SYT9: variants seen among roughly 807,000 people sequenced by gnomAD.
The protein encoded by SYT9 is synaptotagmin-9.
A neutral mutation model predicts 48.4 loss-of-function variants in SYT9; 22 were observed. The observed-to-expected ratio is 0.45, with a 90% CI of 0.32 to 0.65. The LOEUF (loss-of-function observed/expected upper bound fraction) is 0.65. Among genes scored for constraint, SYT9 ranks in the 30% least tolerant of loss-of-function variants. The pLI is 0.03. For missense variants in SYT9, 577 were observed against 622.0 expected, an observed-to-expected ratio of 0.93 and a Z score of 0.77; for synonymous variants, 265 against 245.0, an observed-to-expected ratio of 1.08 and a Z score of -0.76.
intron 3 of SYT9, among the ~76,000 whole-genome samples, chr11:7,380,533 T>C (rs952420144): frequency 6.6e-6 from 1 of 152,018 alleles, no homozygotes; most frequent in East Asian, 1.9e-4. Context: ...CATTCCTGTA[T>C]CAAAACCTCT....
intron 2 of SYT9, among the ~76,000 whole-genome samples, chr11:7,303,747 A>C (rs1236384454): frequency 1.3e-5 from 2 of 152,196 alleles, no homozygotes; most frequent in African/African-American, 4.8e-5. Context: ...CTGTATATGT[A>C]AATACCCAGG....
chr11:7,420,464 AC>A (rs746289209), intron 5 of SYT9, 41 bp from the exon 6 acceptor site: 22 of 1,609,640 alleles, frequency 1.4e-5, no homozygotes, highest in African/African-American at 1.1e-4. Context: ...GATCTTACAT[AC>A]CAAAATTTTA....
chr11:7,362,590 T>C (rs1850163451), intron 3 of SYT9, among the ~76,000 whole-genome samples: 1 of 152,198 alleles, frequency 6.6e-6, no homozygotes, highest in Non-Finnish European at 1.5e-5. Flanking sequence ...AATTGAAGAA[T>C]GTTAGGCTGA....
intron 6 of SYT9, among the ~76,000 whole-genome samples, chr11:7,454,464 C>A (rs1002468829): frequency 2.0e-5 from 3 of 152,164 alleles, no homozygotes; most frequent in Non-Finnish European, 4.4e-5. Flanking sequence ...TCCCCATTCC[C>A]CCAAAGCATG....
chr11:7,260,163 T>A (rs551932783), intron 1 of SYT9, among the ~76,000 whole-genome samples: 68 of 152,268 alleles, frequency 4.5e-4, no homozygotes, highest in Non-Finnish European at 8.2e-4. Flanking sequence ...CATTCAAAGA[T>A]ACATTAGACA....
At chr11:7,325,105 T>C (rs959531904) in intron 3 of SYT9, among the ~76,000 whole-genome samples, 2 of 152,202 alleles carry the variant, frequency 1.3e-5, no homozygotes, top group African/African-American at 4.8e-5. Flanking sequence ...AAGTGTTCTT[T>C]GGCATTTATA....
chr11:7,450,046 C>T (rs1848018878), intron 6 of SYT9, among the ~76,000 whole-genome samples: 1 of 152,152 alleles, frequency 6.6e-6, no homozygotes, highest in Non-Finnish European at 1.5e-5. Flanking sequence ...AATAATAATC[C>T]AATGTTACAT....
chr11:7,340,624 C>A (rs1849696355), intron 3 of SYT9, among the ~76,000 whole-genome samples: 1 of 152,178 alleles, frequency 6.6e-6, no homozygotes, highest in African/African-American at 2.4e-5. Context: ...GGAGAACAAT[C>A]CAGTCACTTT....
intron 2 of SYT9, among the ~76,000 whole-genome samples, chr11:7,305,908 G>A (rs555072473): frequency 9.8e-4 from 149 of 152,022 alleles, no homozygotes; most frequent in Non-Finnish European, 1.4e-3. Flanking sequence ...TGGCCTCTTC[G>A]GCTTGGATGT....
intron 6 of SYT9, among the ~76,000 whole-genome samples, chr11:7,460,487 A>C (rs1848217043): frequency 6.6e-6 from 1 of 152,122 alleles, no homozygotes; most frequent in African/African-American, 2.4e-5. Flanking sequence ...CAAACATCTA[A>C]TGCAGGTGTT....
chr11:7,438,801 C>T (rs1325002695), intron 6 of SYT9: 1 of 152,372 alleles, frequency 6.6e-6, no homozygotes, highest in African/African-American at 2.4e-5. Flanking sequence ...CAGAGCCCCG[C>T]CCCTGTCATC....
intron 3 of SYT9, among the ~76,000 whole-genome samples, chr11:7,384,791 C>T (rs1850627066): frequency 6.6e-6 from 1 of 152,190 alleles, no homozygotes; most frequent in Non-Finnish European, 1.5e-5. Flanking sequence ...TGATCCACCA[C>T]AGCCTCTCTG....
chr11:7,425,219 C>A (rs1847431421), intron 6 of SYT9, among the ~76,000 whole-genome samples: 1 of 152,172 alleles, frequency 6.6e-6, no homozygotes, highest in Admixed American at 6.5e-5. Context: ...GAAAATGTGA[C>A]CTGGACCTAC....
rs1341034008 is a variant in SYT9 at position 7,416,123 on chromosome 11, G to A, written c.1126G>A (p.Ala376Thr). 1 of 1,614,142 alleles carries A rather than the reference G, an allele frequency of 6.2e-7. No individual in the cohort carries two copies. The highest frequency in any genetic ancestry group is 2.2e-5 in the East Asian group (1 of 44,886). Residue 376 changes from alanine to threonine, a missense_variant, in exon 4 of 7, where the codon GCA becomes ACA. By Grantham distance (58) the Ala-to-Thr change is moderately conservative. Transcript: ENST00000318881. ...CAGGCTGACCATTACCATTATAAAA[G>A]CAAGGAATTTAAAGGCAATGGACAT... Reference protein sequence around the residue: ...AGRLTITIIKARNLKAMDITG... With the variant: ...AGRLTITIIKTRNLKAMDITG...
intron 3 of SYT9, among the ~76,000 whole-genome samples, chr11:7,406,882 C>A (rs375109952): frequency 4.7e-4 from 72 of 152,202 alleles, no homozygotes; most frequent in African/African-American, 1.6e-3. Flanking sequence ...TAATAATAGC[C>A]ATTCTAACTG....
intron 1 of SYT9, among the ~76,000 whole-genome samples, chr11:7,291,690 G>A (rs1005981593): frequency 5.1e-5 from 7 of 136,906 alleles, no homozygotes; most frequent in African/African-American, 1.8e-4. Flanking sequence ...TGTGCTCTGG[G>A]GAAAAAAAAA....
chr11:7,448,920 GA>G (rs1847988641), intron 6 of SYT9, among the ~76,000 whole-genome samples: 1 of 152,164 alleles, frequency 6.6e-6, no homozygotes, highest in African/African-American at 2.4e-5. Context: ...AGGTGGAAAG[GA>G]AAACTGGGAG....
intron 1 of SYT9, among the ~76,000 whole-genome samples, chr11:7,287,531 G>A (rs980216754): frequency 1.4e-4 from 21 of 152,318 alleles, no homozygotes; most frequent in Admixed American, 4.6e-4. Flanking sequence ...ACAACATTAA[G>A]TAATAATTGG....
rs1313964173 is a variant in SYT9 at position 7,336,279 on chromosome 11, G to A, written c.1044+22338G>A. Reference sequence around the variant, plus strand: ...GCATAGTTTGCAAGGATTTTCTCCTGTTCTGTAGTTTGTTTGTTTACTCTG... The same window carrying A: ...GCATAGTTTGCAAGGATTTTCTCCTATTCTGTAGTTTGTTTGTTTACTCTG... On this transcript the variant is annotated intron_variant, in intron 3 of 6. Coordinates refer to ENST00000318881, the MANE Select transcript of SYT9 (RefSeq NM_175733.4). 2.0e-5 allele frequency among the ~76,000 whole-genome samples: 3 copies of A among 152,148 alleles called. No individual in the cohort carries two copies. In the East Asian group the frequency reaches 5.8e-4, roughly 29 times the overall value.
Sources: allele counts gnomAD v4.1 joint callset (sites outside exome capture counted in the v4.1 genomes callset), GRCh38; gene constraint gnomAD v4.1.1; transcripts MANE v1.5; gene names NCBI Gene and HGNC (gene_info 2026-07-23, HGNC 2026-07-21).